CELSR2: variants seen among roughly 807,000 people sequenced by gnomAD.
The protein encoded by CELSR2 is EGF-like protein 2.
Under a neutral mutation model 251.6 loss-of-function variants are expected in CELSR2, and 81 were observed. The ratio of observed to expected loss-of-function variants is 0.32; its 90% CI spans 0.27 to 0.39. The LOEUF is 0.39. Ranked by LOEUF, CELSR2 falls within the 10% of genes least tolerant of loss-of-function variation. CELSR2 has a pLI of 1.00. For missense variants in CELSR2, 3,365 were observed against 3,947.7 expected (o/e 0.85, Z 3.96); for synonymous variants, 1,721 against 1,670.5 (o/e 1.03, Z -0.74).
Position 109,270,018 on chromosome 1 carries a change from T to C in CELSR2, c.7193T>C (p.Leu2398Pro), listed in dbSNP as rs775324498. ...LAALLLTFFF[L>P]TLLRILRSNQ... ...GCCCTTCTGCTCACCTTCTTCTTCC[T>C]CACTCTCTTGCGTATCCTGCGCTCC... The change falls in exon 23 of 34, where the codon CTC becomes CCC. Residue 2398 changes from leucine to proline, a missense_variant. This residue lies in a region of CELSR2 where 2,093 missense variants were observed against 2,382.8 expected (regional missense o/e 0.88). Coordinates refer to ENST00000271332, the MANE Select transcript of CELSR2 (RefSeq NM_001408.3). 1.9e-6 allele frequency: 3 copies of C among 1,613,956 alleles called. No individual in the cohort carries two copies. Among genetic ancestry groups the C allele is most frequent in the Non-Finnish European group, 2.5e-6 (3 of 1,180,024 alleles).
intron 13 of CELSR2, 85 bp downstream of exon 13, chr1:109,265,396 G>A (rs542728479): frequency 2.1e-6 from 3 of 1,412,164 alleles, no homozygotes; most frequent in Admixed American, 2.3e-5. Context: ...CTGTAGGGAT[G>A]GGTCTTCCTG....
rs762738190 is a variant in CELSR2 at position 109,269,119 on chromosome 1, C to T, written c.6641C>T (p.Pro2214Leu). 4 of 1,601,514 alleles carry T rather than the reference C, an allele frequency of 2.5e-6. No individual in the cohort carries two copies. The highest frequency in any genetic ancestry group is 3.5e-5 in the Admixed American group (2 of 57,614). ...CAGTGTCCCCTCCCAGAGACGCCCC[C>T]CGTGGTCAGGCCCGCAGGCCCCGGA... ...LPESVFRETP[P>L]VVRPAGPGEA... Residue 2214 changes from proline (P) to leucine (L), a missense_variant, in exon 20 of 34, where the codon CCC (proline) becomes CTC (leucine). By Grantham distance (98) the Pro-to-Leu change is moderately conservative. Coordinates refer to ENST00000271332, the MANE Select transcript of CELSR2 (RefSeq NM_001408.3). This position sits in a 1 kb window ranked among gnomAD's most constrained non-coding sequence, Gnocchi z 6.4.
rs774023799 is a variant in CELSR2 at position 109,273,634 on chromosome 1, A to G, written c.8708A>G (p.Lys2903Arg). The change falls in exon 33 of 34, where the codon AAG becomes AGG. Residue 2903 changes from lysine to arginine, a missense_variant. Transcript: ENST00000271332. ...NGVMPIAMSI[K>R]AGTVDEDSSG... Reference sequence around the variant, plus strand: ...GTCATGCCCATCGCCATGAGCATCAAGGCAGGCACGGTGGATGAGGACTCG... The same window carrying G: ...GTCATGCCCATCGCCATGAGCATCAGGGCAGGCACGGTGGATGAGGACTCG... 4.0e-6 allele frequency: 6 copies of G among 1,491,042 alleles called. No individual in the cohort carries two copies. Among genetic ancestry groups the G allele is most frequent in the Admixed American group, 2.3e-5 (1 of 44,426 alleles). The allele number at this position is 1,491,042 out of a possible 1,614,324, so 92.4% of individuals were successfully genotyped here.
chr1:109,250,234 C>T lies in CELSR2; in HGVS notation c.155C>T (p.Ala52Val), dbSNP rs1655642775. Residue 52 changes from alanine (A) to valine (V), a missense_variant, in exon 1 of 34, where the codon GCC (alanine) becomes GTC (valine). By Grantham distance (64) the Ala-to-Val change is moderately conservative. Transcript: ENST00000271332. The surrounding 1 kb of genome is among the most constrained non-coding windows in gnomAD (Gnocchi z 4.4). ...GGACGAGGCTCTTCGGGGGCCTGCG[C>T]CCCCATGGGCTGGCTCTGTCCATCC... ...SRGRGSSGAC[A>V]PMGWLCPSSA... is the part of the protein sequence containing the mutation. The T allele has an allele frequency of 1.2e-6, 2 of 1,604,810 alleles. No homozygotes were observed. The highest frequency in any genetic ancestry group is 1.7e-6 in the Non-Finnish European group (2 of 1,176,030).
rs1655737558 is a variant in CELSR2, at chr1:109,252,903, C to T, written c.2824C>T (p.Arg942Trp). 1.9e-6 allele frequency: 3 copies of T among 1,612,182 alleles called. No homozygotes were observed. The highest frequency in any genetic ancestry group is 1.7e-6 in the Non-Finnish European group (2 of 1,179,062). ...CAGCCCCATTGGGCTAGCCGTGGCC[C>T]GGGTCACAGCCACTGACCCCGATGA... is the stretch of plus-strand genomic sequence containing the variant. ...ENSPIGLAVA[R>W]VTATDPDEGT... Residue 942 changes from arginine to tryptophan, a missense_variant, in exon 1 of 34, where the codon CGG becomes TGG. By Grantham distance (101) the Arg-to-Trp change is moderately radical (BLOSUM62 -3). Transcript: ENST00000271332. This position sits in a 1 kb window ranked among gnomAD's most constrained non-coding sequence, Gnocchi z 4.8.
Position 109,252,735 on chromosome 1 carries a change from C to G in CELSR2, c.2656C>G (p.Gln886Glu), listed in dbSNP as rs529873677. Residue 886 changes from glutamine to glutamate, a missense_variant, in exon 1 of 34, where the codon CAG becomes GAG. Around this residue, in one of 5 missense-constraint regions of CELSR2, gnomAD observed 505 missense variants for 660.0 expected, o/e 0.77. Transcript: ENST00000271332. This position sits in a 1 kb window ranked among gnomAD's most constrained non-coding sequence, Gnocchi z 4.8. The stretch of plus-strand genomic sequence containing the variant: ...GAGGCTGGATCGAGAGAACGTGGCC[C>G]AGTATGTCTTGCGGGCATATGCAGT... The part of the protein sequence containing the change: ...LRRLDRENVA[Q>E]YVLRAYAVDK... 6.2e-7 allele frequency: 1 copy of G among 1,614,042 alleles called. No individual in the cohort carries two copies. The highest frequency in any genetic ancestry group is 1.7e-5 in the Admixed American group (1 of 60,028).
chr1:109,255,690 C>T (rs576498785), intron 1 of CELSR2, among the ~76,000 whole-genome samples: 2 of 152,362 alleles, frequency 1.3e-5, no homozygotes, highest in South Asian at 4.1e-4. Flanking sequence ...GAGGCCATCC[C>T]AGCTGTTCCT....
Position 109,271,450 on chromosome 1 carries a change from C to A in CELSR2, c.7741C>A (p.Leu2581Ile). Residue 2581 changes from leucine (L) to isoleucine (I), a missense_variant, in exon 27 of 34, where the codon CTC becomes ATC. This residue lies in a region of CELSR2 where 2,093 missense variants were observed against 2,382.8 expected (regional missense o/e 0.88). Transcript: ENST00000271332. Reference protein sequence around the residue: ...LLSATWLLALLSVNSDTLLFH... With the variant: ...LLSATWLLALISVNSDTLLFH... ...GAGCGCCACGTGGCTGCTGGCACTGCTCTCTGTCAACAGCGACACCCTCCT... is the reference window on the plus strand; with the variant it reads ...GAGCGCCACGTGGCTGCTGGCACTGATCTCTGTCAACAGCGACACCCTCCT... The A allele has an allele frequency of 6.2e-7, 1 of 1,614,080 alleles. No homozygotes were observed. Among genetic ancestry groups the A allele is most frequent in the Non-Finnish European group, 8.5e-7 (1 of 1,180,024 alleles).
rs371021727 is a variant in CELSR2, at chr1:109,250,925, C to T, written c.846C>T (p.Thr282=). ...LATLTILVTD[T]NDHDPVFEQQ... ...CACTCACCATCTTGGTTACTGACAC[C>T]AATGACCATGACCCTGTGTTCGAGC... is the stretch of plus-strand genomic sequence containing the variant. The change falls in exon 1 of 34, where the codon ACC becomes ACT. Residue 282 remains threonine (T), a synonymous_variant. Transcript: ENST00000271332. The surrounding 1 kb of genome is among the most constrained non-coding windows in gnomAD (Gnocchi z 4.4). The T allele has an allele frequency of 1.7e-5, 27 of 1,613,736 alleles. No individual in the cohort carries two copies. Among genetic ancestry groups the T allele is most frequent in the Non-Finnish European group, 2.3e-5 (27 of 1,180,044 alleles).
chr1:109,267,793 G>A, intron 16 of CELSR2, 58 bp from the exon 17 acceptor site: 1 of 1,582,156 alleles, frequency 6.3e-7, no homozygotes, highest in Non-Finnish European at 8.6e-7. Context: ...ACCTCCTGAG[G>A]TCCTTTTGCT....
chr1:109,256,628 T>TC (rs1655854843), intron 1 of CELSR2, among the ~76,000 whole-genome samples: 1 of 149,782 alleles, frequency 6.7e-6, no homozygotes. Context: ...CTAGTTGGGC[T>TC]CCCCCTGCTA....
At chr1:109,257,845 G>A (rs113468472) in intron 1 of CELSR2, among the ~76,000 whole-genome samples, 120 of 152,308 alleles carry the variant, frequency 7.9e-4, no homozygotes, top group African/African-American at 2.8e-3. Flanking sequence ...AGAGTTGGGC[G>A]GGAAGAATGC....
Position 109,250,128 on chromosome 1 carries a change from CTG to C in CELSR2, c.50_51del (p.Leu17ProfsTer61). 4.4e-6 allele frequency: 7 copies of C among 1,588,304 alleles called. No individual in the cohort carries two copies. The highest frequency in any genetic ancestry group is 2.2e-5 in the South Asian group (2 of 89,254). On this transcript the variant is annotated frameshift_variant, in exon 1 of 34. Coordinates refer to ENST00000271332, the MANE Select transcript of CELSR2 (RefSeq NM_001408.3). LOFTEE classifies it high-confidence loss of function. The surrounding 1 kb of genome is among the most constrained non-coding windows in gnomAD (Gnocchi z 4.4). Reference protein sequence around the residue: ...GVPLPTPPPPLLLLLLLLLPP... With the variant: ...GVPLPTPPPPXLLLLLLLLPP... ...CCCCCTCCCAACGCCGCCGCCGCCG[CTG>C]CTGCTGCTGTTGCTGCTGCTGCTGC...
chr1:109,267,987 C>T lies in CELSR2; in HGVS notation c.6245C>T (p.Thr2082Met), dbSNP rs199802246. ...GTCAAGGTGGCCTACCAGCTGGCCA[C>T]GCGGCTGCTGGCCCACGAGAGCACC... ...SDVKVAYQLATRLLAHESTQR... is the reference protein window; with the variant it reads ...SDVKVAYQLAMRLLAHESTQR... Residue 2082 changes from threonine to methionine, a missense_variant, in exon 17 of 34, where the codon ACG becomes ATG. This residue lies in a region of CELSR2 where 2,093 missense variants were observed against 2,382.8 expected (regional missense o/e 0.88). Transcript: ENST00000271332. The T allele has an allele frequency of 9.9e-6, 16 of 1,610,826 alleles. No homozygotes were observed. Among genetic ancestry groups the T allele is most frequent in the East Asian group, 8.9e-5 (4 of 44,864 alleles).
Position 109,261,327 on chromosome 1 carries a change from C to A in CELSR2, c.4181+63C>A. ...GTGGGCATCTGAGGTGCCTCCTGTT[C>A]TGTGGTTGAAGTAAGAGGTCAGGCA... On this transcript the variant is annotated intron_variant, in intron 3 of 33. Coordinates refer to ENST00000271332, the MANE Select transcript of CELSR2 (RefSeq NM_001408.3). The surrounding 1 kb of genome is among the most constrained non-coding windows in gnomAD (Gnocchi z 4.8). The A allele has an allele frequency of 1.3e-6, 2 of 1,521,542 alleles. No individual in the cohort carries two copies. Among genetic ancestry groups the A allele is most frequent in the South Asian group, 1.2e-5 (1 of 86,132 alleles). 94.3% of individuals were successfully genotyped at this position (1,521,542 alleles called of 1,614,324 possible).
chr1:109,266,744 G>A (rs779394214), intron 15 of CELSR2, among the ~76,000 whole-genome samples: 1 of 139,534 alleles, frequency 7.2e-6, no homozygotes, highest in Non-Finnish European at 1.5e-5. Context: ...TTTTTGAGAC[G>A]GAGTCTCGCT....
chr1:109,262,191 A>C lies in CELSR2; in HGVS notation c.4387-96A>C, dbSNP rs75814371. 2.3e-5 allele frequency: 35 copies of C among 1,503,684 alleles called. No individual in the cohort carries two copies. The African/African-American group carries it at 4.8e-4, about 21-fold the overall frequency. 93.1% of individuals were successfully genotyped at this position (1,503,684 alleles called of 1,614,324 possible). ...TGCATGTGTGTACGTGTGTCTGGGC[A>C]TGTGGGTGCACACAGAGGCACCCAG... On this transcript the variant is annotated intron_variant, in intron 5 of 33. Coordinates refer to ENST00000271332, the MANE Select transcript of CELSR2 (RefSeq NM_001408.3).
chr1:109,270,413 C>A lies in CELSR2; in HGVS notation c.7309-13C>A, dbSNP rs1656337319. On this transcript the variant is annotated splice_polypyrimidine_tract_variant and intron_variant, in intron 23 of 33. Coordinates refer to ENST00000271332, the MANE Select transcript of CELSR2 (RefSeq NM_001408.3). ...GGCCCCGGTCGCTGACCTGCCCTGG[C>A]CTGGGCCCTCAGTTTGCCTGCACAG... The A allele has an allele frequency of 6.2e-7, 1 of 1,613,790 alleles. No homozygotes were observed. The highest frequency in any genetic ancestry group is 8.5e-7 in the Non-Finnish European group (1 of 1,179,906).
intron 6 of CELSR2, 80 bp downstream of exon 6, chr1:109,262,524 T>C: frequency 1.3e-6 from 2 of 1,547,484 alleles, no homozygotes; most frequent in South Asian, 2.4e-5. Context: ...GGGTGGGCTT[T>C]TGGGGTCTCT....
Sources: gnomAD v4.1 joint callset for allele counts (sites outside exome capture counted in the v4.1 genomes callset) on GRCh38, gnomAD v4.1.1 for gene constraint, gnomAD v4.1.1 regional missense constraint, Gnocchi (gnomAD v3.1) non-coding constraint, MANE v1.5 for transcripts, NCBI Gene and HGNC (gene_info 2026-07-23, HGNC 2026-07-21) for gene names.